PCED1B: variants seen among roughly 807,000 people sequenced by gnomAD.
PCED1B encodes the protein PC-esterase domain-containing protein 1B.
For synonymous variants in PCED1B, 251 were observed against 246.1 expected (o/e 1.02, Z -0.19); for missense variants, 573 against 573.9 (o/e 1.00, Z 0.02).
At chr12:47,202,233 G>A (rs1370498520) in intron 2 of PCED1B, among the ~76,000 whole-genome samples, 2 of 152,172 alleles carry the variant, frequency 1.3e-5, no homozygotes, top group East Asian at 3.9e-4. Context: ...ATGACAGGGA[G>A]TTGATATTCA....
chr12:47,162,455 A>G (rs766678924), intron 2 of PCED1B, among the ~76,000 whole-genome samples: 3 of 152,118 alleles, frequency 2.0e-5, no homozygotes, highest in Non-Finnish European at 2.9e-5. Flanking sequence ...CAAGAAGTTT[A>G]CTTTGCATTT....
chr12:47,210,484 G>A (rs1943042769), intron 2 of PCED1B: 1 of 152,194 alleles, frequency 6.6e-6, no homozygotes, highest in South Asian at 2.1e-4. Context: ...ATGTATTTCA[G>A]GCCGGGCTTG....
intron 2 of PCED1B, among the ~76,000 whole-genome samples, chr12:47,200,082 C>A (rs1328384896): frequency 1.3e-5 from 2 of 152,018 alleles, no homozygotes; most frequent in Non-Finnish European, 2.9e-5. Context: ...AGCCTATAGT[C>A]CCAGCTACTC....
intron 1 of PCED1B, among the ~76,000 whole-genome samples, chr12:47,089,461 C>CATGTATGTATATATATATAT (rs1233280547): frequency 3.2e-5 from 2 of 63,398 alleles, no homozygotes; most frequent in African/African-American, 6.1e-5. Context: ...AAAAAAAATA[C>CATGTATGTATATATATATAT]ATATATATAT....
intron 2 of PCED1B, among the ~76,000 whole-genome samples, chr12:47,161,027 T>G (rs1246537182): frequency 2.6e-5 from 4 of 152,194 alleles, no homozygotes; most frequent in Non-Finnish European, 1.5e-5. Context: ...CCCTTTGACC[T>G]TCCACCAGGT....
At chr12:47,154,170 G>T (rs1941108496) in intron 2 of PCED1B, among the ~76,000 whole-genome samples, 2 of 152,172 alleles carry the variant, frequency 1.3e-5, no homozygotes, top group Non-Finnish European at 2.9e-5. Context: ...ACAGTAGCAG[G>T]CTAATTTGTT....
At chr12:47,162,590 C>T (rs80177885) in intron 2 of PCED1B, among the ~76,000 whole-genome samples, 2,764 of 152,150 alleles carry the variant, frequency 0.018, 82 homozygotes, top group African/African-American at 0.061. Flanking sequence ...CTCAGGAAGC[C>T]TAAAATCATG....
At chr12:47,234,528 G>A (rs1943910553) in intron 3 of PCED1B, among the ~76,000 whole-genome samples, 1 of 152,116 alleles carries the variant, frequency 6.6e-6, no homozygotes, top group African/African-American at 2.4e-5. Flanking sequence ...ATTCAGTATG[G>A]GATGTAACTT....
intron 2 of PCED1B, among the ~76,000 whole-genome samples, chr12:47,181,095 C>T (rs1239014845): frequency 2.6e-5 from 4 of 151,940 alleles, no homozygotes; most frequent in African/African-American, 9.7e-5. Flanking sequence ...GGTGATCCCC[C>T]ACCTCAGCCT....
At chr12:47,183,933 G>A (rs543710212) in intron 2 of PCED1B, among the ~76,000 whole-genome samples, 8 of 152,346 alleles carry the variant, frequency 5.3e-5, no homozygotes, top group Non-Finnish European at 1.0e-4. Context: ...GATACTGCAT[G>A]AACAGAACAG....
At chr12:47,195,127 G>A (rs1249021329) in intron 2 of PCED1B, among the ~76,000 whole-genome samples, 7 of 151,984 alleles carry the variant, frequency 4.6e-5, no homozygotes, top group African/African-American at 1.7e-4. Flanking sequence ...TCAGGAGTTC[G>A]AGACCAGCCT....
chr12:47,220,659 C>A (rs938046719), intron 3 of PCED1B, among the ~76,000 whole-genome samples: 4 of 152,214 alleles, frequency 2.6e-5, no homozygotes, highest in Non-Finnish European at 4.4e-5. Context: ...ATGGGTGAGA[C>A]CCACTTCTGC....
intron 2 of PCED1B, among the ~76,000 whole-genome samples, chr12:47,198,174 T>A (rs1942662736): frequency 6.6e-6 from 1 of 152,148 alleles, no homozygotes; most frequent in African/African-American, 2.4e-5. Context: ...AATCTAACAA[T>A]GTATAAGAAG....
chr12:47,105,013 A>C (rs1938883134), intron 2 of PCED1B, among the ~76,000 whole-genome samples: 2 of 152,210 alleles, frequency 1.3e-5, no homozygotes. Flanking sequence ...CCTTACGCTC[A>C]TGCCGACTAA....
chr12:47,123,060 T>C (rs1939745194), intron 2 of PCED1B, among the ~76,000 whole-genome samples: 1 of 152,216 alleles, frequency 6.6e-6, no homozygotes, highest in African/African-American at 2.4e-5. Flanking sequence ...GAATTATTTG[T>C]CATCTGCCTT....
At chr12:47,152,679 C>A (rs1941038899) in intron 2 of PCED1B, among the ~76,000 whole-genome samples, 1 of 152,162 alleles carries the variant, frequency 6.6e-6, no homozygotes, top group South Asian at 2.1e-4. Context: ...GCCTATAATC[C>A]CAGCACTTTG....
chr12:47,119,739 G>A lies in PCED1B; in HGVS notation c.-526+15544G>A, dbSNP rs1939592086. Among the ~76,000 whole-genome samples, 5 of 152,040 alleles carry A rather than the reference G, an allele frequency of 3.3e-5. No homozygotes were observed. In the South Asian group the frequency reaches 1.0e-3, roughly 32 times the overall value. On this transcript the variant is annotated intron_variant, in intron 2 of 3. Coordinates refer to ENST00000546455, the MANE Select transcript of PCED1B (RefSeq NM_138371.3). ...CACACCTATAATCCCAGCACTTTGGGAGGTTGAGGCGTGTGGATCATCTGA... is the reference window on the plus strand; with the variant it reads ...CACACCTATAATCCCAGCACTTTGGAAGGTTGAGGCGTGTGGATCATCTGA...
At chr12:47,169,587 A>T (rs900177817) in intron 2 of PCED1B, among the ~76,000 whole-genome samples, 17 of 152,214 alleles carry the variant, frequency 1.1e-4, no homozygotes, top group African/African-American at 4.1e-4. Flanking sequence ...TGAAAGACAT[A>T]TATCGTATAT....
At chr12:47,137,849 C>G (rs188173095) in intron 2 of PCED1B, among the ~76,000 whole-genome samples, 1 of 151,736 alleles carries the variant, frequency 6.6e-6, no homozygotes, top group African/African-American at 2.4e-5. Context: ...AAATCTACAT[C>G]GCTTCCAGAG....
Sources: gnomAD v4.1 joint callset for allele counts (sites outside exome capture counted in the v4.1 genomes callset) on GRCh38, gnomAD v4.1.1 for gene constraint, MANE v1.5 for transcripts, NCBI Gene and HGNC (gene_info 2026-07-23, HGNC 2026-07-21) for gene names.